Variants in SGCZ observed in about 807,000 individuals in gnomAD.
SGCZ encodes the protein zeta-sarcoglycan.
SGCZ carries 40 observed loss-of-function variants against 41.3 expected under a neutral mutation model. The observed-to-expected ratio is 0.97, with a 90% CI of 0.75 to 1.26. The LOEUF is 1.26. Among genes scored for constraint, SGCZ ranks in the 50% most tolerant of loss-of-function variants. The pLI is 0.00. For missense variants in SGCZ, 552 were observed against 369.8 expected (o/e 1.49, Z -4.04); for synonymous variants, 206 against 137.5 (o/e 1.50, Z -3.49).
chr8:14,770,575 A>G (rs1487262992), intron 1 of SGCZ, among the ~76,000 whole-genome samples: 2 of 152,040 alleles, frequency 1.3e-5, no homozygotes, highest in African/African-American at 2.4e-5. Flanking sequence ...TAAAGTATAC[A>G]TATATGGTGT....
chr8:15,236,142 A>G (rs1001874559), intron 1 of SGCZ, among the ~76,000 whole-genome samples: 1 of 152,100 alleles, frequency 6.6e-6, no homozygotes. Flanking sequence ...TCTTCGGTGG[A>G]AGTGGTGTTC....
intron 1 of SGCZ, among the ~76,000 whole-genome samples, chr8:14,850,705 C>T (rs950799068): frequency 6.6e-6 from 1 of 152,136 alleles, no homozygotes; most frequent in African/African-American, 2.4e-5. Context: ...TCATAATCTC[C>T]ATGTGTCAAG....
intron 1 of SGCZ, among the ~76,000 whole-genome samples, chr8:14,762,037 T>A (rs564482843): frequency 6.6e-6 from 1 of 152,202 alleles, no homozygotes; most frequent in African/African-American, 2.4e-5. Flanking sequence ...TGACAGTAGG[T>A]GTTGTGAATG....
rs1211348538 is a variant in SGCZ, at chr8:14,089,481, A to G, written c.*962T>C. Among the ~76,000 whole-genome samples, 2 of 152,024 alleles carry G rather than the reference A, an allele frequency of 1.3e-5. No individual in the cohort carries two copies. The highest frequency in any genetic ancestry group is 2.9e-5 in the Non-Finnish European group (2 of 67,944). The stretch of plus-strand genomic sequence containing the variant: ...CATATTAGTATTATTTATTTAGAAG[A>G]TGTTTGAATTTTAGCAGTCAGAATC... On this transcript the variant is annotated 3_prime_UTR_variant, in exon 8 of 8. Coordinates refer to ENST00000382080, the MANE Select transcript of SGCZ (RefSeq NM_139167.4).
intron 1 of SGCZ, among the ~76,000 whole-genome samples, chr8:15,049,869 G>C (rs1019874412): frequency 2.6e-5 from 4 of 152,092 alleles, no homozygotes; most frequent in African/African-American, 7.2e-5. Context: ...AAGCTGTCTT[G>C]CCTGCCACCA....
chr8:14,388,050 T>C (rs536377577), intron 2 of SGCZ, among the ~76,000 whole-genome samples: 8 of 152,170 alleles, frequency 5.3e-5, no homozygotes, highest in Admixed American at 2.6e-4. Flanking sequence ...GTATGGTCTT[T>C]AGTAGGAGTA....
intron 2 of SGCZ, among the ~76,000 whole-genome samples, chr8:14,505,116 T>C (rs1235290613): frequency 6.6e-6 from 1 of 152,070 alleles, no homozygotes; most frequent in Non-Finnish European, 1.5e-5. Context: ...GCCACCACAC[T>C]CCAGCCTGGG....
At chr8:15,000,739 T>C (rs745471282) in intron 1 of SGCZ, among the ~76,000 whole-genome samples, 10 of 152,126 alleles carry the variant, frequency 6.6e-5, no homozygotes, top group Non-Finnish European at 1.3e-4. Flanking sequence ...ATGGAAACAA[T>C]CTGTGAGCCC....
chr8:14,279,217 C>G (rs1349132950), intron 3 of SGCZ, among the ~76,000 whole-genome samples: 1 of 151,950 alleles, frequency 6.6e-6, no homozygotes, highest in East Asian at 1.9e-4. Context: ...GTAGAGTTTA[C>G]TTTTGGTTTT....
intron 4 of SGCZ, among the ~76,000 whole-genome samples, chr8:14,217,044 T>G (rs1030072719): frequency 3.3e-5 from 5 of 152,112 alleles, no homozygotes; most frequent in African/African-American, 1.2e-4. Context: ...TCCCAGCACT[T>G]TGGGAGGCCG....
chr8:15,143,036 T>A (rs937333579), intron 1 of SGCZ, among the ~76,000 whole-genome samples: 11 of 152,234 alleles, frequency 7.2e-5, no homozygotes, highest in African/African-American at 2.7e-4. Flanking sequence ...CATGACAATT[T>A]CTTTTCCTTT....
intron 1 of SGCZ, among the ~76,000 whole-genome samples, chr8:14,791,622 C>T (rs1055482110): frequency 6.6e-6 from 1 of 152,260 alleles, no homozygotes; most frequent in East Asian, 1.9e-4. Flanking sequence ...TATAACCAAG[C>T]GTACAGCTCA....
chr8:14,892,786 T>A (rs1288003529), intron 1 of SGCZ, among the ~76,000 whole-genome samples: 1 of 152,196 alleles, frequency 6.6e-6, no homozygotes, highest in African/African-American at 2.4e-5. Flanking sequence ...CACTTGCTTT[T>A]GCTGGTGGAT....
chr8:14,305,660 G>GA (rs1801325699), intron 3 of SGCZ, among the ~76,000 whole-genome samples: 1 of 152,148 alleles, frequency 6.6e-6, no homozygotes, highest in Admixed American at 6.6e-5. Context: ...ATTAAGACAA[G>GA]AAATAATGAT....
chr8:15,224,926 T>C (rs952525504), intron 1 of SGCZ, among the ~76,000 whole-genome samples: 4 of 152,182 alleles, frequency 2.6e-5, no homozygotes, highest in Admixed American at 6.5e-5. Flanking sequence ...TATATGTATC[T>C]TATAACATAG....
intron 4 of SGCZ, among the ~76,000 whole-genome samples, chr8:14,231,933 G>A (rs751084858): frequency 7.9e-5 from 12 of 151,884 alleles, no homozygotes; most frequent in Non-Finnish European, 1.6e-4. Flanking sequence ...GCCTTCTTAT[G>A]AGTAAACATT....
At chr8:15,000,220 T>G (rs1802367526) in intron 1 of SGCZ, among the ~76,000 whole-genome samples, 1 of 152,138 alleles carries the variant, frequency 6.6e-6, no homozygotes, top group Non-Finnish European at 1.5e-5. Context: ...CCCAGCACCT[T>G]GATCTTGGAC....
intron 4 of SGCZ, among the ~76,000 whole-genome samples, chr8:14,180,008 G>T (rs947610413): frequency 1.3e-5 from 2 of 152,196 alleles, no homozygotes; most frequent in African/African-American, 4.8e-5. Flanking sequence ...AGTCACCAGA[G>T]ATGCCAAAGG....
At chr8:14,454,257 T>C (rs1013641820) in intron 2 of SGCZ, among the ~76,000 whole-genome samples, 2 of 152,154 alleles carry the variant, frequency 1.3e-5, no homozygotes, top group East Asian at 3.9e-4. Context: ...TTTTGGGTAG[T>C]GGAGCATTTA....
Sources: gnomAD v4.1 joint callset for allele counts (sites outside exome capture counted in the v4.1 genomes callset) on GRCh38, gnomAD v4.1.1 for gene constraint, MANE v1.5 for transcripts, NCBI Gene and HGNC (gene_info 2026-07-23, HGNC 2026-07-21) for gene names.